NAXD: variants seen among roughly 807,000 people sequenced by gnomAD.
The protein encoded by NAXD is ATP-dependent (S)-NAD(P)H-hydrate dehydratase.
NAXD carries 22 observed loss-of-function variants against 35.8 expected under a neutral mutation model. That is an observed-to-expected ratio of 0.62 (90% confidence interval 0.44 to 0.88). The LOEUF (loss-of-function observed/expected upper bound fraction) is 0.88, where lower values mean the gene tolerates loss of function less well. NAXD is among the 40% of genes least tolerant of loss of function. NAXD has a pLI of 0.00. For synonymous variants in NAXD, 189 were observed against 177.6 expected, an observed-to-expected ratio of 1.06 and a Z score of -0.51; for missense variants, 428 against 437.7, an observed-to-expected ratio of 0.98 and a Z score of 0.20.
chr13:110,632,385 T>C (rs1263848624), intron 5 of NAXD, among the ~76,000 whole-genome samples: 1 of 152,186 alleles, frequency 6.6e-6, no homozygotes, highest in East Asian at 1.9e-4. Context: ...AAGAACAAAG[T>C]TTCCACAGCG....
At chr13:110,624,586 G>A (rs1436324296) in intron 3 of NAXD, among the ~76,000 whole-genome samples, 2 of 152,106 alleles carry the variant, frequency 1.3e-5, no homozygotes, top group Non-Finnish European at 2.9e-5. Context: ...AGCCTCCCGA[G>A]TAGCTGGGAT....
Position 110,622,350 on chromosome 13 carries a change from G to A in NAXD, c.181G>A (p.Val61Ile), listed in dbSNP as rs770832128. The change falls in exon 2 of 10, where the codon GTT becomes ATT. Residue 61 changes from valine (V) to isoleucine (I), a missense_variant. This residue lies in a region of NAXD where 208 missense variants were observed against 193.0 expected (regional missense o/e 1.08). Coordinates refer to ENST00000680254, the MANE Select transcript of NAXD (RefSeq NM_001242882.2). The part of the protein sequence containing the change: ...HKGQDGRIGV[V>I]GGCQEYTGAP... ...AGGGCAAGATGGAAGAATAGGCGTA[G>A]TTGGAGGCTGTCAGGAGTAAGTAGC... is the stretch of plus-strand genomic sequence containing the variant. 3.1e-6 allele frequency: 5 copies of A among 1,614,094 alleles called. No homozygotes were observed. The South Asian group carries it at 5.5e-5, about 18-fold the overall frequency.
intron 4 of NAXD, among the ~76,000 whole-genome samples, chr13:110,626,276 A>G (rs972270765): frequency 6.6e-6 from 1 of 151,730 alleles, no homozygotes; most frequent in African/African-American, 2.4e-5. Context: ...GTATGTTTGG[A>G]AAGTTTGGGG....
At chr13:110,632,563 G>A (rs928880942) in intron 5 of NAXD, among the ~76,000 whole-genome samples, 2 of 151,866 alleles carry the variant, frequency 1.3e-5, no homozygotes, top group African/African-American at 2.4e-5. Flanking sequence ...GGTTCTCCAC[G>A]TCCCCATCAG....
Position 110,634,455 on chromosome 13 carries a change from G to T in NAXD, c.442-90G>T, listed in dbSNP as rs1181172013. On this transcript the variant is annotated intron_variant, in intron 5 of 9. Transcript: ENST00000680254. ...CCCACCTCCCAGGACCCTTCCCTTG[G>T]CAATTAAGTTTCACCATGAGTTTTG... The T allele has an allele frequency of 2.5e-5, 33 of 1,343,996 alleles. No homozygotes were observed. The East Asian group carries it at 7.6e-4, about 31-fold the overall frequency. The allele number at this position is 1,343,996 out of a possible 1,614,324, so 83.3% of individuals were successfully genotyped here. A position where few individuals can be genotyped will look rare whatever the true frequency, so the allele number is the denominator to read the frequency against.
chr13:110,629,688 C>T (rs576918548), intron 5 of NAXD, among the ~76,000 whole-genome samples: 9 of 152,344 alleles, frequency 5.9e-5, no homozygotes, highest in Middle Eastern at 3.4e-3. Context: ...TGTATGCATA[C>T]ACCACCTTTG....
At chr13:110,627,680 AG>A (rs1886545719) in intron 5 of NAXD, 133 bp downstream of exon 5, 1 of 652,938 alleles carries the variant, frequency 1.5e-6, no homozygotes, top group African/African-American at 1.8e-5. Flanking sequence ...ATAAGATTTG[AG>A]GGACGGAGGA....
chr13:110,624,225 T>A lies in NAXD; in HGVS notation c.198-9T>A. On this transcript the variant is annotated splice_polypyrimidine_tract_variant and intron_variant, in intron 2 of 9. Transcript: ENST00000680254. ...CAGAAGTTTTTGACTCTAAATACCT[T>A]CTTTTTAGGTACACTGGAGCCCCAT... The A allele has an allele frequency of 6.3e-7, 1 of 1,595,418 alleles. No homozygotes were observed. Among genetic ancestry groups the A allele is most frequent in the Non-Finnish European group, 8.6e-7 (1 of 1,164,948 alleles).
intron 2 of NAXD, among the ~76,000 whole-genome samples, chr13:110,622,592 C>T (rs392660): frequency 0.35 from 53,402 of 152,096 alleles, 10,186 homozygotes; most frequent in African/African-American, 0.49. Context: ...TAAGTTTTGT[C>T]GTAGTGGGGA....
intron 1 of NAXD, among the ~76,000 whole-genome samples, chr13:110,619,308 G>T (rs562607303): frequency 1.3e-5 from 2 of 152,172 alleles, no homozygotes; most frequent in East Asian, 3.9e-4. Context: ...TATGAATCTT[G>T]GATATTGGGA....
At chr13:110,615,501 C>G (rs1566610467), upstream of NAXD, 1 of 1,174,096 alleles carries the variant, frequency 8.5e-7, no homozygotes, top group Admixed American at 4.1e-5. Context: ...GATCCCACTG[C>G]CGACAGCCGC....
chr13:110,631,976 A>T (rs918828512), intron 5 of NAXD, among the ~76,000 whole-genome samples: 1 of 152,202 alleles, frequency 6.6e-6, no homozygotes, highest in Non-Finnish European at 1.5e-5. Context: ...TTTAGTTTTC[A>T]ATACTTTAAA....
intron 5 of NAXD, among the ~76,000 whole-genome samples, chr13:110,629,023 C>G (rs534643621): frequency 6.6e-6 from 1 of 152,246 alleles, no homozygotes; most frequent in Non-Finnish European, 1.5e-5. Flanking sequence ...ATTCTGGTTC[C>G]TGTACACTGT....
chr13:110,626,966 G>A (rs893547340), intron 4 of NAXD, among the ~76,000 whole-genome samples: 4 of 152,184 alleles, frequency 2.6e-5, no homozygotes, highest in Non-Finnish European at 4.4e-5. Flanking sequence ...GGAAACAAAC[G>A]GGCTAACTTT....
intron 1 of NAXD, among the ~76,000 whole-genome samples, chr13:110,619,578 G>A (rs896129382): frequency 6.6e-6 from 1 of 152,046 alleles, no homozygotes; most frequent in Non-Finnish European, 1.5e-5. Context: ...TATATTTAAA[G>A]GTGCTAAAAC....
At chr13:110,616,139 A>C in intron 1 of NAXD, 1 of 252,968 alleles carries the variant, frequency 4.0e-6, no homozygotes, top group Non-Finnish European at 7.5e-6. Flanking sequence ...TCTGGGAAAG[A>C]TGCTCGCCAA....
At position 110,625,172 on chromosome 13, in the gene NAXD, C is replaced by G; in HGVS notation, c.244-18C>G. On this transcript the variant is annotated intron_variant, in intron 3 of 9. Coordinates refer to ENST00000680254, the MANE Select transcript of NAXD (RefSeq NM_001242882.2). ...GCCGGAGCGATCCCTGAGTCGGCCTCTTGTGCTCCTTCATCAGGGCGCAGA... is the reference window on the plus strand; with the variant it reads ...GCCGGAGCGATCCCTGAGTCGGCCTGTTGTGCTCCTTCATCAGGGCGCAGA... 1.9e-6 allele frequency: 3 copies of G among 1,607,312 alleles called. No individual in the cohort carries two copies. The highest frequency in any genetic ancestry group is 2.6e-6 in the Non-Finnish European group (3 of 1,174,002).
At chr13:110,629,304 G>A (rs1886620970) in intron 5 of NAXD, among the ~76,000 whole-genome samples, 1 of 152,172 alleles carries the variant, frequency 6.6e-6, no homozygotes, top group Non-Finnish European at 1.5e-5. Context: ...TTTTAAAAAC[G>A]ACTTTATTTA....
intron 5 of NAXD, among the ~76,000 whole-genome samples, chr13:110,633,440 G>C (rs1331361937): frequency 6.6e-6 from 1 of 152,242 alleles, no homozygotes; most frequent in Non-Finnish European, 1.5e-5. Context: ...AGCTGAGGGA[G>C]TGGGCTCCAG....
Sources: allele counts gnomAD v4.1 joint callset (sites outside exome capture counted in the v4.1 genomes callset), GRCh38; gene constraint gnomAD v4.1.1; regional missense constraint gnomAD v4.1.1; transcripts MANE v1.5; gene names NCBI Gene and HGNC (gene_info 2026-07-23, HGNC 2026-07-21).